MARCHF1: variants seen among roughly 807,000 people sequenced by gnomAD.
MARCHF1 encodes membrane associated ring-CH-type finger 1.
A neutral mutation model predicts 54.2 loss-of-function variants in MARCHF1; 40 were observed. The observed-to-expected ratio is 0.74, with a 90% CI of 0.57 to 0.96. MARCHF1 has a LOEUF of 0.96. Among genes scored for constraint, MARCHF1 ranks in the 40% least tolerant of loss-of-function variants. MARCHF1 has a pLI of 0.00. For missense variants in MARCHF1, 586 were observed against 656.5 expected (o/e 0.89, Z 1.17); for synonymous variants, 236 against 236.3 (o/e 1.00, Z 0.01).
chr4:163,961,346 G>A (rs1328463432), intron 3 of MARCHF1, among the ~76,000 whole-genome samples: 2 of 151,972 alleles, frequency 1.3e-5, no homozygotes, highest in African/African-American at 4.8e-5. Flanking sequence ...TAACACATAT[G>A]ACATTGCTCT....
At chr4:163,855,310 GT>G (rs1749741959) in intron 3 of MARCHF1, among the ~76,000 whole-genome samples, 1 of 152,130 alleles carries the variant, frequency 6.6e-6, no homozygotes, top group Admixed American at 6.6e-5. Context: ...TTCAATTGAG[GT>G]ACAGAGAAAT....
intron 4 of MARCHF1, among the ~76,000 whole-genome samples, chr4:163,819,909 T>C (rs1029376462): frequency 2.6e-5 from 4 of 152,128 alleles, no homozygotes; most frequent in Non-Finnish European, 5.9e-5. Context: ...TTTGCAGAAT[T>C]ACATATTCAA....
chr4:164,111,222 C>T (rs1036025938), intron 2 of MARCHF1, among the ~76,000 whole-genome samples: 2 of 151,628 alleles, frequency 1.3e-5, no homozygotes, highest in Admixed American at 6.6e-5. Context: ...AGCCAGTTTC[C>T]ACAGGTAAAA....
chr4:163,938,172 T>G (rs1751841614), intron 3 of MARCHF1, among the ~76,000 whole-genome samples: 1 of 152,166 alleles, frequency 6.6e-6, no homozygotes, highest in Non-Finnish European at 1.5e-5. Context: ...GGCACACTTC[T>G]TTTAGTGTGA....
chr4:163,534,741 C>T (rs1738472594), intron 9 of MARCHF1, among the ~76,000 whole-genome samples: 1 of 151,996 alleles, frequency 6.6e-6, no homozygotes, highest in Non-Finnish European at 1.5e-5. Context: ...GTCCCTTTCT[C>T]CTATAGACTT....
rs183066979 is a variant in MARCHF1 at position 163,555,783 on chromosome 4, A to T, written c.1192-10040T>A. On this transcript the variant is annotated intron_variant, in intron 8 of 9. Coordinates refer to ENST00000514618, the MANE Select transcript of MARCHF1 (RefSeq NM_001394959.1). Reference sequence around the variant, plus strand: ...AAACCCTTGCCGAGCGGACTCTTGGATGACACTGCCATTGATGATGTTTTC... The same window carrying T: ...AAACCCTTGCCGAGCGGACTCTTGGTTGACACTGCCATTGATGATGTTTTC... The T allele has an allele frequency of 9.0e-6, 3 of 331,802 alleles. No individual in the cohort carries two copies. In the Admixed American group the frequency reaches 1.0e-4, roughly 11 times the overall value. The allele number at this position is 331,802 out of a possible 1,614,324, so 20.6% of individuals were successfully genotyped here.
intron 4 of MARCHF1, among the ~76,000 whole-genome samples, chr4:163,729,495 T>TA (rs1745766251): frequency 6.6e-6 from 1 of 152,136 alleles, no homozygotes; most frequent in African/African-American, 2.4e-5. Flanking sequence ...CTTAATGTCT[T>TA]AGAAAGTTAT....
At chr4:164,093,337 T>C (rs1444997787) in intron 2 of MARCHF1, among the ~76,000 whole-genome samples, 1 of 152,154 alleles carries the variant, frequency 6.6e-6, no homozygotes, top group Non-Finnish European at 1.5e-5. Flanking sequence ...AGTAAGATAC[T>C]CTTCATTTTT....
At chr4:163,677,983 A>G (rs1743973429) in intron 5 of MARCHF1, among the ~76,000 whole-genome samples, 1 of 152,226 alleles carries the variant, frequency 6.6e-6, no homozygotes, top group African/African-American at 2.4e-5. Context: ...GTGAATTCAT[A>G]TGAAAAATTC....
intron 1 of MARCHF1, among the ~76,000 whole-genome samples, chr4:164,346,138 A>T (rs1730087112): frequency 6.6e-6 from 1 of 152,214 alleles, no homozygotes; most frequent in African/African-American, 2.4e-5. Context: ...GGGTATCAGA[A>T]CTGAGACTTT....
intron 4 of MARCHF1, among the ~76,000 whole-genome samples, chr4:163,709,225 A>T (rs1745035862): frequency 6.6e-6 from 1 of 152,130 alleles, no homozygotes; most frequent in Non-Finnish European, 1.5e-5. Flanking sequence ...TGAGGGAAGC[A>T]GGCAGGCCCA....
intron 7 of MARCHF1, among the ~76,000 whole-genome samples, chr4:163,611,239 G>T (rs567337545): frequency 1.3e-5 from 2 of 152,082 alleles, no homozygotes; most frequent in Admixed American, 6.6e-5. Flanking sequence ...ATACATATAT[G>T]AATGAGGATT....
chr4:164,329,417 A>G (rs1451465995), intron 1 of MARCHF1, among the ~76,000 whole-genome samples: 1 of 152,212 alleles, frequency 6.6e-6, no homozygotes, highest in African/African-American at 2.4e-5. Context: ...AAGAAAAAGG[A>G]GAAAGAATGA....
intron 4 of MARCHF1, among the ~76,000 whole-genome samples, chr4:163,720,404 A>C (rs577395544): frequency 9.3e-4 from 141 of 152,346 alleles, no homozygotes; most frequent in African/African-American, 3.1e-3. Context: ...TTTTAGTACC[A>C]GTACCATGCT....
intron 4 of MARCHF1, among the ~76,000 whole-genome samples, chr4:163,813,410 C>T (rs200381890): frequency 6.6e-6 from 1 of 152,114 alleles, no homozygotes; most frequent in East Asian, 1.9e-4. Flanking sequence ...TTACTCATGA[C>T]ACTCTCCTTC....
chr4:163,868,667 T>C (rs1295108848), intron 3 of MARCHF1, among the ~76,000 whole-genome samples: 1 of 152,048 alleles, frequency 6.6e-6, no homozygotes, highest in East Asian at 1.9e-4. Flanking sequence ...ATGTGAATAG[T>C]AACTTTTAAA....
intron 3 of MARCHF1, among the ~76,000 whole-genome samples, chr4:163,873,427 G>A (rs151317439): frequency 7.2e-5 from 11 of 152,266 alleles, no homozygotes; most frequent in Non-Finnish European, 1.5e-4. Context: ...CCCTGCTGTT[G>A]CCTCATTTCC....
At chr4:164,051,682 G>C (rs1271801368) in intron 2 of MARCHF1, among the ~76,000 whole-genome samples, 1 of 152,132 alleles carries the variant, frequency 6.6e-6, no homozygotes, top group East Asian at 1.9e-4. Context: ...TAACTACAAA[G>C]TAGCAAAGCC....
At chr4:164,165,115 T>G (rs909889271) in intron 1 of MARCHF1, among the ~76,000 whole-genome samples, 14 of 151,988 alleles carry the variant, frequency 9.2e-5, no homozygotes, top group Admixed American at 3.9e-4. Context: ...ATAAGAGAGA[T>G]AGAATCTTTG....
Sources: gnomAD v4.1 joint callset for allele counts (sites outside exome capture counted in the v4.1 genomes callset) on GRCh38, gnomAD v4.1.1 for gene constraint, MANE v1.5 for transcripts, NCBI Gene and HGNC (gene_info 2026-07-23, HGNC 2026-07-21) for gene names.